The following KCNAB1 variants were observed in gnomAD, a reference collection of about 807,000 sequenced individuals.
The protein encoded by KCNAB1 is potassium voltage-gated channel subfamily A regulatory beta subunit 1.
Under a neutral mutation model 64.6 loss-of-function variants are expected in KCNAB1, and 35 were observed. That is an observed-to-expected ratio of 0.54 (90% CI 0.41 to 0.72). The LOEUF (loss-of-function observed/expected upper bound fraction) is 0.72. KCNAB1 is among the 30% of genes least tolerant of loss of function. The probability of loss-of-function intolerance (pLI) is 0.00; values close to 1 mark genes in which losing one functional copy is unlikely to be tolerated. For missense variants in KCNAB1, 401 were observed against 512.9 expected (o/e 0.78, Z 2.11); for synonymous variants, 177 against 183.8 (o/e 0.96, Z 0.30).
intron 1 of KCNAB1, among the ~76,000 whole-genome samples, chr3:156,352,109 A>G (rs553142857): frequency 6.6e-6 from 1 of 152,306 alleles, no homozygotes; most frequent in South Asian, 2.1e-4. Flanking sequence ...CAGGGTCTGG[A>G]GTCGGAGGTG....
chr3:156,521,640 A>G (rs1576971584), intron 11 of KCNAB1, among the ~76,000 whole-genome samples: 1 of 152,332 alleles, frequency 6.6e-6, no homozygotes, highest in East Asian at 1.9e-4. Context: ...GTCAGCAAGC[A>G]GGGTTTATTA....
intron 1 of KCNAB1, among the ~76,000 whole-genome samples, chr3:156,376,345 G>A (rs1022759697): frequency 5.9e-5 from 9 of 152,156 alleles, no homozygotes; most frequent in Non-Finnish European, 1.2e-4. Context: ...AGGAGGGAGA[G>A]GAGCAGAGGA....
intron 1 of KCNAB1, among the ~76,000 whole-genome samples, chr3:156,305,754 A>G (rs1370860007): frequency 6.6e-6 from 1 of 152,250 alleles, no homozygotes; most frequent in Non-Finnish European, 1.5e-5. Flanking sequence ...CAACAGAGAC[A>G]GGAGTCAAGG....
At chr3:156,312,341 A>G (rs1397920039) in intron 1 of KCNAB1, among the ~76,000 whole-genome samples, 1 of 152,220 alleles carries the variant, frequency 6.6e-6, no homozygotes, top group East Asian at 1.9e-4. Context: ...ATAGCGTGAA[A>G]AGTGAACTAT....
At chr3:156,124,962 A>T (rs1415373078) in intron 1 of KCNAB1, among the ~76,000 whole-genome samples, 1 of 152,070 alleles carries the variant, frequency 6.6e-6, no homozygotes, top group Non-Finnish European at 1.5e-5. Context: ...ACATGGTGAA[A>T]CCTTGTCTCT....
intron 1 of KCNAB1, among the ~76,000 whole-genome samples, chr3:156,214,448 T>TCGGTATTAGAA (rs1399794307): frequency 1.3e-5 from 2 of 151,966 alleles, no homozygotes; most frequent in African/African-American, 4.8e-5. Flanking sequence ...ACCCACACGT[T>TCGGTATTAGAA]CGGTATTAGA....
chr3:156,210,075 T>C (rs1201179374), intron 1 of KCNAB1, among the ~76,000 whole-genome samples: 1 of 152,208 alleles, frequency 6.6e-6, no homozygotes, highest in Non-Finnish European at 1.5e-5. Context: ...TCATGGCTGC[T>C]CACTAAGCAA....
intron 1 of KCNAB1, among the ~76,000 whole-genome samples, chr3:156,238,218 C>T (rs1044752710): frequency 3.3e-5 from 5 of 152,014 alleles, no homozygotes; most frequent in African/African-American, 1.2e-4. Flanking sequence ...GTCAGGAGAT[C>T]GAGAGCATCC....
intron 1 of KCNAB1, among the ~76,000 whole-genome samples, chr3:156,181,320 C>T (rs75920081): frequency 3.5e-4 from 53 of 152,018 alleles, no homozygotes; most frequent in African/African-American, 1.2e-3. Flanking sequence ...AAGGGAGCAG[C>T]GTGAAATGCA....
intron 1 of KCNAB1, among the ~76,000 whole-genome samples, chr3:156,197,450 G>A (rs923406205): frequency 6.6e-6 from 1 of 152,082 alleles, no homozygotes; most frequent in Non-Finnish European, 1.5e-5. Context: ...GCTTTTTTTG[G>A]TTGGTAGGCT....
At chr3:156,213,158 C>A (rs1399843635) in intron 1 of KCNAB1, among the ~76,000 whole-genome samples, 2 of 151,664 alleles carry the variant, frequency 1.3e-5, no homozygotes, top group African/African-American at 4.8e-5. Context: ...GTTAGAAGTG[C>A]CAGTATTCTC....
In KCNAB1 at chr3:156,267,162, C is replaced by T. The variant is rs564298514; in HGVS notation, c.275+146276C>T. Reference sequence around the variant, plus strand: ...TTTTCTCTGCAGAGATACTTTTTGCCTATGTCAAAACAGTGTTACACTGTA... The same window carrying T: ...TTTTCTCTGCAGAGATACTTTTTGCTTATGTCAAAACAGTGTTACACTGTA... On this transcript the variant is annotated intron_variant, in intron 1 of 13. Transcript: ENST00000490337. 1.4e-4 allele frequency among the ~76,000 whole-genome samples: 21 copies of T among 152,162 alleles called. No homozygotes were observed. In the South Asian group the frequency reaches 2.1e-3, roughly 15 times the overall value.
At chr3:156,140,258 T>C (rs1158169612) in intron 1 of KCNAB1, among the ~76,000 whole-genome samples, 3 of 152,178 alleles carry the variant, frequency 2.0e-5, no homozygotes, top group Non-Finnish European at 4.4e-5. Flanking sequence ...GTGATAAGGT[T>C]TTTCTGTTTA....
At chr3:156,301,694 T>C (rs767824605) in intron 1 of KCNAB1, among the ~76,000 whole-genome samples, 9 of 152,232 alleles carry the variant, frequency 5.9e-5, no homozygotes, top group Non-Finnish European at 1.0e-4. Context: ...CCAGAAGTGA[T>C]CTTTTGGAAA....
rs770591482 is a variant in KCNAB1, at chr3:156,516,360, T to C, written c.956T>C (p.Leu319Pro). Residue 319 changes from leucine (L) to proline (P), a missense_variant, in exon 11 of 14, where the codon CTG becomes CCG. By Grantham distance (98) the Leu-to-Pro change is moderately conservative. Coordinates refer to ENST00000490337, the MANE Select transcript of KCNAB1 (RefSeq NM_172160.3). Reference protein sequence around the residue: ...NGVPESSRASLKCYQWLKERI... With the variant: ...NGVPESSRASPKCYQWLKERI... ...GTGCCTGAAAGTTCCAGGGCTTCAC[T>C]GAAGGTATTTTTCTCAATGTCTAGA... 1 of 1,608,478 alleles carries C rather than the reference T, an allele frequency of 6.2e-7. No homozygotes were observed. The highest frequency in any genetic ancestry group is 1.1e-5 in the South Asian group (1 of 90,976).
intron 1 of KCNAB1, among the ~76,000 whole-genome samples, chr3:156,415,838 A>T (rs1299926446): frequency 1.3e-5 from 2 of 152,106 alleles, no homozygotes; most frequent in Non-Finnish European, 2.9e-5. Flanking sequence ...CTGGACACTC[A>T]GAAAATCCCT....
intron 1 of KCNAB1, among the ~76,000 whole-genome samples, chr3:156,188,232 A>G (rs1307393098): frequency 1.3e-5 from 2 of 150,916 alleles, no homozygotes; most frequent in Non-Finnish European, 2.9e-5. Flanking sequence ...TTCTGATTAT[A>G]AATGTCATCA....
At chr3:156,410,556 C>T (rs1714575864) in intron 1 of KCNAB1, among the ~76,000 whole-genome samples, 1 of 152,122 alleles carries the variant, frequency 6.6e-6, no homozygotes, top group African/African-American at 2.4e-5. Context: ...TTAATAAATG[C>T]ACAAAGTCAT....
chr3:156,285,667 A>AT (rs1161800694), intron 1 of KCNAB1, among the ~76,000 whole-genome samples: 2 of 151,956 alleles, frequency 1.3e-5, no homozygotes, highest in East Asian at 3.9e-4. Flanking sequence ...TGCCCAGCTA[A>AT]TTTTTTGTAT....
Sources: allele counts gnomAD v4.1 joint callset (sites outside exome capture counted in the v4.1 genomes callset), GRCh38; gene constraint gnomAD v4.1.1; transcripts MANE v1.5; gene names NCBI Gene and HGNC (gene_info 2026-07-23, HGNC 2026-07-21).